EFL1: variants seen among roughly 807,000 people sequenced by gnomAD.
The protein encoded by EFL1 is elongation factor-like GTPase 1.
Under a neutral mutation model 126.7 loss-of-function variants are expected in EFL1, and 76 were observed. The ratio of observed to expected loss-of-function variants is 0.60; its 90% CI spans 0.50 to 0.73. The LOEUF (loss-of-function observed/expected upper bound fraction) is 0.73, where lower values mean the gene tolerates loss of function less well. Among genes scored for constraint, EFL1 ranks in the 30% least tolerant of loss-of-function variants. The probability of loss-of-function intolerance (pLI) is 0.00; values close to 1 mark genes in which losing one functional copy is unlikely to be tolerated. For missense variants in EFL1, 1,128 were observed against 1,343.2 expected, an observed-to-expected ratio of 0.84 and a Z score of 2.50; for synonymous variants, 410 against 448.4, an observed-to-expected ratio of 0.91 and a Z score of 1.08.
At chr15:82,226,695 T>A (rs1275169699) in intron 11 of EFL1, among the ~76,000 whole-genome samples, 1 of 152,208 alleles carries the variant, frequency 6.6e-6, no homozygotes, top group African/African-American at 2.4e-5. Flanking sequence ...TGAAGACACA[T>A]AATCGTGGGA....
intron 4 of EFL1, among the ~76,000 whole-genome samples, chr15:82,246,648 A>G (rs2074975780): frequency 6.6e-6 from 1 of 152,138 alleles, no homozygotes; most frequent in South Asian, 2.1e-4. Context: ...GGAGAGGTGG[A>G]AGATACTGAA....
intron 14 of EFL1, among the ~76,000 whole-genome samples, chr15:82,218,259 C>T (rs942857910): frequency 1.3e-5 from 2 of 152,068 alleles, no homozygotes; most frequent in Non-Finnish European, 2.9e-5. Flanking sequence ...AAAGGATGAA[C>T]ACAAATTCTG....
intron 15 of EFL1, among the ~76,000 whole-genome samples, chr15:82,196,886 G>A (rs1287437865): frequency 6.6e-6 from 1 of 152,100 alleles, no homozygotes; most frequent in Non-Finnish European, 1.5e-5. Flanking sequence ...ACAAAAATTA[G>A]CCGGGCATGG....
chr15:82,248,855 G>GA (rs1311603476), intron 4 of EFL1, among the ~76,000 whole-genome samples: 1,604 of 139,998 alleles, frequency 0.011, 38 homozygotes, highest in African/African-American at 0.031. Flanking sequence ...AACTTTTCTT[G>GA]AAAAAAAAAA....
chr15:82,261,571 G>T, intron 2 of EFL1, 117 bp downstream of exon 2: 1 of 1,000,532 alleles, frequency 1.0e-6, no homozygotes, highest in Non-Finnish European at 1.4e-6. Context: ...TTTAAAGAAA[G>T]AAGACTTGCT....
chr15:82,233,570 G>A (rs1417954913), intron 7 of EFL1: 1 of 152,120 alleles, frequency 6.6e-6, no homozygotes, highest in African/African-American at 2.4e-5. Context: ...ATTACAAAGG[G>A]CTTTTCATTT....
chr15:82,209,804 A>C (rs2074565477), intron 15 of EFL1, among the ~76,000 whole-genome samples: 1 of 152,228 alleles, frequency 6.6e-6, no homozygotes, highest in South Asian at 2.1e-4. Flanking sequence ...AAGTTCTCTA[A>C]GTGACTTATA....
At chr15:82,225,346 A>T in intron 11 of EFL1, 82 bp from the exon 12 acceptor site, 1 of 1,116,810 alleles carries the variant, frequency 9.0e-7, no homozygotes, top group Non-Finnish European at 1.2e-6. Flanking sequence ...AACAATTAAA[A>T]TGTTTAGAAC....
At chr15:82,165,370 C>T (rs1382582323) in intron 15 of EFL1, among the ~76,000 whole-genome samples, 1 of 152,156 alleles carries the variant, frequency 6.6e-6, no homozygotes, top group Non-Finnish European at 1.5e-5. Context: ...CTTTGCTGTC[C>T]TTAGTTGACC....
intron 4 of EFL1, among the ~76,000 whole-genome samples, chr15:82,252,258 G>T (rs989605323): frequency 2.0e-5 from 3 of 152,082 alleles, no homozygotes; most frequent in African/African-American, 7.2e-5. Context: ...GACTATTTCT[G>T]TCAGATAAAT....
intron 12 of EFL1, among the ~76,000 whole-genome samples, chr15:82,222,982 C>T (rs2074727241): frequency 6.6e-6 from 1 of 152,046 alleles, no homozygotes; most frequent in Admixed American, 6.6e-5. Flanking sequence ...TGTAACAGTC[C>T]CACACTTCAT....
chr15:82,186,426 A>AG (rs1216422572), intron 15 of EFL1, among the ~76,000 whole-genome samples: 5 of 152,218 alleles, frequency 3.3e-5, no homozygotes, highest in Non-Finnish European at 1.5e-5. Flanking sequence ...TCTTAACCAT[A>AG]GAAAACGGCA....
chr15:82,151,727 A>G lies in EFL1; in HGVS notation c.2727T>C (p.Asp909=). The change falls in exon 18 of 20, where the codon GAT becomes GAC. Residue 909 remains aspartate (D), a synonymous_variant. Transcript: ENST00000268206. ...LSKFEEQGAS[D]LAKEGQEENE... ...TTTCCTCCTGTCCCTCTTTTGCCAG[A>G]TCACTTGCTCCTTGTTCCTCAAATT... 1 of 1,614,114 alleles carries G rather than the reference A, an allele frequency of 6.2e-7. No homozygotes were observed. Among genetic ancestry groups the G allele is most frequent in the Admixed American group, 1.7e-5 (1 of 60,020 alleles).
At chr15:82,133,185 A>G (rs1015250037) in intron 19 of EFL1, among the ~76,000 whole-genome samples, 4 of 152,196 alleles carry the variant, frequency 2.6e-5, no homozygotes, top group Admixed American at 6.5e-5. Context: ...ACTCCCATGA[A>G]TATACAGAGC....
At chr15:82,177,504 G>C (rs2074206781) in intron 15 of EFL1, among the ~76,000 whole-genome samples, 1 of 152,090 alleles carries the variant, frequency 6.6e-6, no homozygotes, top group Non-Finnish European at 1.5e-5. Context: ...CCTTATTCAA[G>C]TGCGTGTAAA....
At chr15:82,194,500 C>T in intron 15 of EFL1, among the ~76,000 whole-genome samples, 1 of 152,042 alleles carries the variant, frequency 6.6e-6, no homozygotes, top group Non-Finnish European at 1.5e-5. Flanking sequence ...TAGGATATAC[C>T]TTCCAAAACA....
At chr15:82,181,586 C>T (rs1357464924) in intron 15 of EFL1, among the ~76,000 whole-genome samples, 1 of 151,600 alleles carries the variant, frequency 6.6e-6, no homozygotes, top group Non-Finnish European at 1.5e-5. Flanking sequence ...GCATATTTTC[C>T]TGATGAAAAG....
chr15:82,193,913 C>T (rs1386576357), intron 15 of EFL1, among the ~76,000 whole-genome samples: 2 of 152,228 alleles, frequency 1.3e-5, no homozygotes, highest in African/African-American at 2.4e-5. Flanking sequence ...TCACTCTCCT[C>T]ATTCTGGAAA....
intron 15 of EFL1, among the ~76,000 whole-genome samples, chr15:82,205,858 T>C (rs1018030242): frequency 2.0e-5 from 3 of 152,244 alleles, no homozygotes; most frequent in African/African-American, 7.2e-5. Flanking sequence ...AATCTATGTG[T>C]TCAAAAGAAC....
Sources: gnomAD v4.1 joint callset for allele counts (sites outside exome capture counted in the v4.1 genomes callset) on GRCh38, gnomAD v4.1.1 for gene constraint, MANE v1.5 for transcripts, NCBI Gene and HGNC (gene_info 2026-07-23, HGNC 2026-07-21) for gene names.